Variants in ART3 observed in about 807,000 individuals in gnomAD.
ART3 encodes the protein ADP-ribosyltransferase 3 (inactive).
ART3 carries 49 observed loss-of-function variants against 48.5 expected under a neutral mutation model. The ratio of observed to expected loss-of-function variants is 1.01; its 90% CI spans 0.80 to 1.28. ART3 has a LOEUF of 1.28. Ranked by LOEUF, ART3 falls within the 50% of genes most tolerant of loss-of-function variation. The pLI is 0.00. For synonymous variants in ART3, 145 were observed against 157.2 expected, an observed-to-expected ratio of 0.92 and a Z score of 0.58; for missense variants, 438 against 454.3, an observed-to-expected ratio of 0.96 and a Z score of 0.33.
At chr4:76,025,476 A>G (rs1173366783) in intron 1 of ART3, among the ~76,000 whole-genome samples, 1 of 152,190 alleles carries the variant, frequency 6.6e-6, no homozygotes, top group Non-Finnish European at 1.5e-5. Flanking sequence ...TTTTTACTAA[A>G]CATTGTATTA....
chr4:76,021,982 T>C, intron 1 of ART3: 1 of 1,588,676 alleles, frequency 6.3e-7, no homozygotes, highest in African/African-American at 1.3e-5. Flanking sequence ...AAAAGTGTGA[T>C]AGTCTGACTC....
chr4:76,111,647 A>G lies in ART3; in HGVS notation c.1037-739A>G, dbSNP rs541571266. On this transcript the variant is annotated intron_variant, in intron 11 of 11. Transcript: ENST00000355810. ...AAGCTCTGCCTCCCAGGTTCACACC[A>G]TTCTCCTGCCTCAGCCTCCTGAGTA... 2.0e-4 allele frequency among the ~76,000 whole-genome samples: 31 copies of G among 152,250 alleles called. No homozygotes were observed. In the East Asian group the frequency reaches 5.8e-3, roughly 28 times the overall value.
chr4:76,112,338 C>G lies in ART3; in HGVS notation c.1037-48C>G, dbSNP rs372908718. The G allele has an allele frequency of 8.9e-6, 14 of 1,567,694 alleles. No homozygotes were observed. The East Asian group carries it at 1.2e-4, about 13-fold the overall frequency. On this transcript the variant is annotated intron_variant, in intron 11 of 11. Coordinates refer to ENST00000355810, the MANE Select transcript of ART3 (RefSeq NM_001130016.3). ...GGATATATTTTATAGGTGGATGATA[C>G]TTGACATAAAAAATGATGTGTCAGT...
chr4:76,065,165 CA>C (rs1719605387), intron 1 of ART3, among the ~76,000 whole-genome samples: 2 of 152,166 alleles, frequency 1.3e-5, no homozygotes, highest in South Asian at 4.2e-4. Context: ...GAAGTGTTTG[CA>C]AAGCAAAAAT....
chr4:76,053,127 A>G (rs941314277), intron 1 of ART3, among the ~76,000 whole-genome samples: 1 of 152,204 alleles, frequency 6.6e-6, no homozygotes, highest in Non-Finnish European at 1.5e-5. Context: ...CCAGTGATTA[A>G]GGATTTGAAA....
intron 8 of ART3, 80 bp downstream of exon 8, chr4:76,101,099 G>A (rs371969441): frequency 3.2e-5 from 49 of 1,554,978 alleles, no homozygotes; most frequent in Middle Eastern, 3.4e-4. Context: ...GAAGAATGTC[G>A]TGGTAAGAAA....
At chr4:76,095,923 AT>A (rs5859492) in intron 3 of ART3, among the ~76,000 whole-genome samples, 6,545 of 145,580 alleles carry the variant, frequency 0.045, 427 homozygotes, top group African/African-American at 0.14. Flanking sequence ...CTGAGACAAC[AT>A]TTTTTTTTTT....
chr4:76,029,353 T>C (rs566417516), intron 1 of ART3, among the ~76,000 whole-genome samples: 32 of 152,348 alleles, frequency 2.1e-4, no homozygotes, highest in Admixed American at 1.4e-3. Flanking sequence ...TAGCAGTTTA[T>C]TGAGCAGCAC....
intron 11 of ART3, among the ~76,000 whole-genome samples, chr4:76,109,931 CT>C (rs1269522227): frequency 3.9e-5 from 6 of 152,114 alleles, no homozygotes; most frequent in Non-Finnish European, 7.4e-5. Flanking sequence ...TTTATGAAAT[CT>C]GAGTGGTGAT....
At chr4:76,014,627 A>G (rs1014658538) in intron 1 of ART3, among the ~76,000 whole-genome samples, 5 of 152,090 alleles carry the variant, frequency 3.3e-5, no homozygotes, top group African/African-American at 7.3e-5. Context: ...GGGACAGAAG[A>G]CTATTCACAG....
chr4:76,104,433 G>C (rs138222472), intron 9 of ART3, 164 bp from the exon 10 acceptor site: 1 of 985,268 alleles, frequency 1.0e-6, no homozygotes, highest in South Asian at 4.7e-5. Context: ...GTGTGGATTT[G>C]TATAATAAGG....
At chr4:76,089,878 G>A (rs956891588) in intron 3 of ART3, among the ~76,000 whole-genome samples, 1 of 152,044 alleles carries the variant, frequency 6.6e-6, no homozygotes, top group African/African-American at 2.4e-5. Context: ...TCAGGTGTTC[G>A]AGACCAGCCT....
At chr4:76,042,849 G>A (rs1433450381) in intron 1 of ART3, among the ~76,000 whole-genome samples, 1 of 151,868 alleles carries the variant, frequency 6.6e-6, no homozygotes, top group Non-Finnish European at 1.5e-5. Context: ...GGTTGCCACT[G>A]CTGGCTCGGG....
intron 1 of ART3, among the ~76,000 whole-genome samples, chr4:76,019,447 G>A (rs1431802735): frequency 6.8e-6 from 1 of 147,066 alleles, no homozygotes. Flanking sequence ...GTACACTGAA[G>A]CTTGTTAAAT....
At chr4:76,075,127 G>A (rs952326974) in intron 1 of ART3, 1 of 152,094 alleles carries the variant, frequency 6.6e-6, no homozygotes, top group African/African-American at 2.4e-5. Context: ...CCAGAATATG[G>A]TGATTGGTAG....
intron 1 of ART3, among the ~76,000 whole-genome samples, chr4:76,043,554 C>A (rs1250251334): frequency 6.6e-6 from 1 of 152,140 alleles, no homozygotes; most frequent in Non-Finnish European, 1.5e-5. Flanking sequence ...TTGCCCGGGG[C>A]CGGCAGGGCT....
intron 4 of ART3, among the ~76,000 whole-genome samples, 187 bp from the exon 5 acceptor site, chr4:76,098,768 T>C (rs187160085): frequency 3.8e-4 from 58 of 151,960 alleles, no homozygotes; most frequent in African/African-American, 1.3e-3. Flanking sequence ...CTCAAAAAAA[T>C]AAAAGTGAAT....
intron 1 of ART3, chr4:76,022,047 G>C: frequency 3.5e-6 from 4 of 1,131,940 alleles, no homozygotes; most frequent in Non-Finnish European, 5.4e-6. Context: ...ATAGATAACT[G>C]AGCTTTCCTG....
intron 11 of ART3, among the ~76,000 whole-genome samples, chr4:76,111,607 A>G (rs191108384): frequency 1.3e-5 from 2 of 152,066 alleles, no homozygotes; most frequent in Non-Finnish European, 1.5e-5. Context: ...CAGTGGTGCA[A>G]TCTCTGCTCA....
Sources: allele counts gnomAD v4.1 joint callset (sites outside exome capture counted in the v4.1 genomes callset), GRCh38; gene constraint gnomAD v4.1.1; transcripts MANE v1.5; gene names NCBI Gene and HGNC (gene_info 2026-07-23, HGNC 2026-07-21).